Variants in LRRC4C observed in about 807,000 individuals in gnomAD.
The protein encoded by LRRC4C is leucine rich repeat containing 4C, also known as leucine-rich repeat-containing protein 4C.
In LRRC4C, 5 loss-of-function variants were observed where a neutral mutation model predicts 33.6. The observed-to-expected ratio is 0.15, with a 90% CI of 0.08 to 0.31. The LOEUF (loss-of-function observed/expected upper bound fraction) is 0.31. LRRC4C is among the 10% of genes least tolerant of loss of function. LRRC4C has a pLI of 1.00. For synonymous variants in LRRC4C, 329 were observed against 302.0 expected (o/e 1.09, Z -0.93); for missense variants, 560 against 796.7 (o/e 0.70, Z 3.58).
chr11:40,646,858 G>C (rs1421504709), intron 3 of LRRC4C, among the ~76,000 whole-genome samples: 4 of 152,070 alleles, frequency 2.6e-5, no homozygotes, highest in Non-Finnish European at 5.9e-5. Context: ...CGCCCACCTC[G>C]GCCTCCCAAA....
intron 3 of LRRC4C, among the ~76,000 whole-genome samples, chr11:40,343,980 A>T (rs1947001360): frequency 6.6e-6 from 1 of 152,116 alleles, no homozygotes; most frequent in South Asian, 2.1e-4. Flanking sequence ...AAGACCAATA[A>T]TAAGTTTCAA....
At chr11:41,440,390 G>T (rs576258153) in intron 1 of LRRC4C, among the ~76,000 whole-genome samples, 34 of 152,080 alleles carry the variant, frequency 2.2e-4, no homozygotes, top group African/African-American at 8.2e-4. Flanking sequence ...AATTTAAAAA[G>T]AAACAGATTC....
chr11:40,412,585 T>C (rs1950191957), intron 3 of LRRC4C, among the ~76,000 whole-genome samples: 1 of 152,164 alleles, frequency 6.6e-6, no homozygotes, highest in Admixed American at 6.6e-5. Flanking sequence ...AATTCTTTTT[T>C]TCTTTTGCCA....
chr11:40,588,267 G>A (rs1236737457), intron 3 of LRRC4C, among the ~76,000 whole-genome samples: 3 of 151,366 alleles, frequency 2.0e-5, no homozygotes, highest in Non-Finnish European at 3.0e-5. Flanking sequence ...TTTGCGTAGA[G>A]GTGTTTGTAG....
At chr11:40,371,584 T>C (rs911096608) in intron 3 of LRRC4C, among the ~76,000 whole-genome samples, 2 of 152,236 alleles carry the variant, frequency 1.3e-5, no homozygotes, top group Non-Finnish European at 2.9e-5. Context: ...TTGAGCATTT[T>C]AACCCTTTCG....
intron 2 of LRRC4C, among the ~76,000 whole-genome samples, chr11:40,854,797 A>G (rs1464634701): frequency 3.3e-5 from 5 of 151,558 alleles, no homozygotes; most frequent in Non-Finnish European, 7.4e-5. Flanking sequence ...ATTAATAAAA[A>G]TAATAAGATT....
intron 5 of LRRC4C, among the ~76,000 whole-genome samples, chr11:40,173,543 T>C (rs1254836775): frequency 2.0e-5 from 3 of 152,200 alleles, no homozygotes; most frequent in African/African-American, 7.2e-5. Flanking sequence ...GTTTACTTCA[T>C]TGCTTGTACT....
intron 4 of LRRC4C, among the ~76,000 whole-genome samples, chr11:40,282,126 A>G (rs1165594091): frequency 1.3e-5 from 2 of 152,158 alleles, no homozygotes; most frequent in Non-Finnish European, 2.9e-5. Flanking sequence ...AGGCTGGTGG[A>G]TCACCTGAAG....
chr11:40,531,859 GT>G (rs1956284926), intron 3 of LRRC4C, among the ~76,000 whole-genome samples: 1 of 151,440 alleles, frequency 6.6e-6, no homozygotes, highest in African/African-American at 2.4e-5. Flanking sequence ...TATAAAGATA[GT>G]TTGGGCTGAG....
At chr11:41,311,383 T>C (rs1361288828) in intron 1 of LRRC4C, among the ~76,000 whole-genome samples, 3 of 152,162 alleles carry the variant, frequency 2.0e-5, no homozygotes, top group Admixed American at 6.6e-5. Flanking sequence ...CATTATTTTA[T>C]TGAAAAAAAT....
At chr11:40,130,755 A>G (rs1269650948) in intron 6 of LRRC4C, among the ~76,000 whole-genome samples, 2 of 152,108 alleles carry the variant, frequency 1.3e-5, no homozygotes, top group African/African-American at 2.4e-5. Context: ...TCCCAGTTGT[A>G]TCTCCCACTG....
chr11:40,137,637 C>A (rs1857072063), intron 6 of LRRC4C, among the ~76,000 whole-genome samples: 1 of 152,022 alleles, frequency 6.6e-6, no homozygotes, highest in Non-Finnish European at 1.5e-5. Context: ...ATATAGGATC[C>A]AAATTAAGAA....
chr11:41,440,673 G>A (rs1034670040), intron 1 of LRRC4C, among the ~76,000 whole-genome samples: 4 of 152,018 alleles, frequency 2.6e-5, no homozygotes, highest in South Asian at 2.1e-4. Flanking sequence ...CATGTGTCAC[G>A]GGAGGGACCT....
rs533759787 is a variant in LRRC4C, at chr11:41,126,211, A to T, written c.-495-192488T>A. Among the ~76,000 whole-genome samples the T allele has an allele frequency of 2.8e-4, 43 of 152,148 alleles. 1 individual carries two copies. In the South Asian group the frequency reaches 4.4e-3, roughly 15 times the overall value. On this transcript the variant is annotated intron_variant, in intron 1 of 6. Transcript: ENST00000528697. ...TTAAATTAAATTAAATTAAATTTTTAAAAAATTGTCATTTTTTAAGTCTTT... is the reference window on the plus strand; with the variant it reads ...TTAAATTAAATTAAATTAAATTTTTTAAAAATTGTCATTTTTTAAGTCTTT...
At chr11:41,198,074 A>C (rs1200223325) in intron 1 of LRRC4C, among the ~76,000 whole-genome samples, 13 of 152,058 alleles carry the variant, frequency 8.5e-5, no homozygotes, top group Admixed American at 8.5e-4. Flanking sequence ...GTGGGATTTA[A>C]AATATTATTT....
chr11:40,992,434 GT>G (rs35107751), intron 1 of LRRC4C, among the ~76,000 whole-genome samples: 28 of 147,238 alleles, frequency 1.9e-4, no homozygotes, highest in African/African-American at 2.7e-4. Context: ...AACAAAAGTG[GT>G]TTTTTTTTTT....
chr11:40,728,159 A>G (rs898448123), intron 2 of LRRC4C, among the ~76,000 whole-genome samples: 1 of 152,144 alleles, frequency 6.6e-6, no homozygotes, highest in African/African-American at 2.4e-5. Context: ...TGATGTTGGC[A>G]AGGTTGTGGA....
intron 1 of LRRC4C, among the ~76,000 whole-genome samples, chr11:41,218,713 A>G (rs1269213393): frequency 1.3e-5 from 2 of 151,116 alleles, no homozygotes; most frequent in African/African-American, 4.9e-5. Context: ...TTTTCAACAT[A>G]TTACTATTAC....
At chr11:40,593,615 T>C (rs946566253) in intron 3 of LRRC4C, among the ~76,000 whole-genome samples, 3 of 152,188 alleles carry the variant, frequency 2.0e-5, no homozygotes, top group African/African-American at 7.2e-5. Context: ...ATTCAGCTGC[T>C]ATGTAACTCT....
Sources: allele counts gnomAD v4.1 joint callset (sites outside exome capture counted in the v4.1 genomes callset), GRCh38; gene constraint gnomAD v4.1.1; transcripts MANE v1.5; gene names NCBI Gene and HGNC (gene_info 2026-07-23, HGNC 2026-07-21).